The following DCBLD2 variants were observed in gnomAD, a reference collection of about 807,000 sequenced individuals.
DCBLD2 encodes the protein discoidin, CUB and LCCL domain-containing protein 2.
In DCBLD2, 54 loss-of-function variants were observed where a neutral mutation model predicts 86.8. The ratio of observed to expected loss-of-function variants is 0.62; its 90% confidence interval spans 0.50 to 0.78. The LOEUF is 0.78. Ranked by LOEUF, DCBLD2 falls within the 30% of genes least tolerant of loss-of-function variation. The pLI, the probability that DCBLD2 is intolerant of heterozygous loss-of-function variation, is 0.00. For missense variants in DCBLD2, 908 were observed against 954.2 expected, an observed-to-expected ratio of 0.95 and a Z score of 0.64; for synonymous variants, 354 against 341.3, an observed-to-expected ratio of 1.04 and a Z score of -0.41.
At chr3:98,865,308 A>G (rs1943123113) in intron 2 of DCBLD2, among the ~76,000 whole-genome samples, 1 of 152,292 alleles carries the variant, frequency 6.6e-6, no homozygotes, top group South Asian at 2.1e-4. Flanking sequence ...AAACCCTGAC[A>G]TTTCTAACAA....
chr3:98,817,166 C>G (rs573013947), intron 9 of DCBLD2, among the ~76,000 whole-genome samples: 9 of 152,318 alleles, frequency 5.9e-5, no homozygotes, highest in African/African-American at 2.2e-4. Context: ...AGACCCATCT[C>G]TGCCTGCTCC....
chr3:98,878,387 A>G (rs1943406754), intron 2 of DCBLD2, among the ~76,000 whole-genome samples: 1 of 152,192 alleles, frequency 6.6e-6, no homozygotes, highest in South Asian at 2.1e-4. Context: ...CCACGAAATC[A>G]TTAGCCCATA....
At chr3:98,853,776 T>C (rs2107489183) in intron 2 of DCBLD2, among the ~76,000 whole-genome samples, 1 of 152,366 alleles carries the variant, frequency 6.6e-6, no homozygotes, top group South Asian at 2.1e-4. Context: ...TTATTTATGT[T>C]CTCAATTAAA....
intron 8 of DCBLD2, 144 bp downstream of exon 8, chr3:98,819,058 G>A: frequency 1.2e-6 from 1 of 834,878 alleles, no homozygotes; most frequent in Non-Finnish European, 1.8e-6. Context: ...TGTGTCTCTA[G>A]TAATATTAAC....
chr3:98,880,421 A>G (rs1943445210), intron 2 of DCBLD2, among the ~76,000 whole-genome samples: 1 of 152,226 alleles, frequency 6.6e-6, no homozygotes, highest in Admixed American at 6.5e-5. Context: ...AAGCCTTACA[A>G]ATTTTTCCAC....
At chr3:98,820,702 A>C (rs892108012) in intron 6 of DCBLD2, 4 of 152,576 alleles carry the variant, frequency 2.6e-5, no homozygotes, top group African/African-American at 9.7e-5. Context: ...TCTAATTCTC[A>C]GAGAATGAGG....
intron 2 of DCBLD2, among the ~76,000 whole-genome samples, chr3:98,858,508 C>T (rs1942979365): frequency 6.6e-6 from 1 of 152,236 alleles, no homozygotes; most frequent in Non-Finnish European, 1.5e-5. Context: ...AAAATAAATA[C>T]ACAAAGCAAT....
chr3:98,825,643 T>TATATATA (rs1942202476), intron 3 of DCBLD2, among the ~76,000 whole-genome samples: 71 of 115,082 alleles, frequency 6.2e-4, no homozygotes, highest in Admixed American at 9.6e-4. Flanking sequence ...ATATGTGTAT[T>TATATATA]TATATATATA....
intron 1 of DCBLD2, among the ~76,000 whole-genome samples, chr3:98,897,649 C>G (rs1230798769): frequency 6.6e-6 from 1 of 152,034 alleles, no homozygotes; most frequent in East Asian, 1.9e-4. Context: ...CAAATATGTT[C>G]AAATAACTGA....
At chr3:98,811,406 T>G in intron 11 of DCBLD2, 62 bp downstream of exon 11, 1 of 1,612,314 alleles carries the variant, frequency 6.2e-7, no homozygotes, top group South Asian at 1.1e-5. Context: ...TTTAATATAT[T>G]TTTGGAAAGT....
At position 98,901,431 on chromosome 3, in the gene DCBLD2, A is replaced by G; in HGVS notation, c.-105T>C. The stretch of plus-strand genomic sequence containing the variant: ...AGACGGCGGCAGCGGCGGGAGAACA[A>G]GAGGCAGCCCTCGCCTCACCCCGCG... On this transcript the variant is annotated 5_prime_UTR_variant, in exon 1 of 16. Coordinates refer to ENST00000326840, the MANE Select transcript of DCBLD2 (RefSeq NM_080927.4). The G allele has an allele frequency of 1.7e-6, 2 of 1,167,112 alleles. No individual in the cohort carries two copies. The highest frequency in any genetic ancestry group is 3.5e-5 in the South Asian group (1 of 28,184). The allele number at this position is 1,167,112 out of a possible 1,614,324, so 72.3% of individuals were successfully genotyped here. A position where few individuals can be genotyped will look rare whatever the true frequency, so the allele number is the denominator to read the frequency against.
intron 3 of DCBLD2, among the ~76,000 whole-genome samples, chr3:98,840,274 AT>A: frequency 6.6e-6 from 1 of 152,352 alleles, no homozygotes; most frequent in South Asian, 2.1e-4. Context: ...ATTCTGGTAC[AT>A]GTACATATAT....
chr3:98,819,188 T>G lies in DCBLD2; in HGVS notation c.1087+14A>C, dbSNP rs1191082833. 1.3e-6 allele frequency: 2 copies of G among 1,533,872 alleles called. No individual in the cohort carries two copies. The highest frequency in any genetic ancestry group is 1.8e-6 in the Non-Finnish European group (2 of 1,136,168). ...AGTGTTACAAATTGCTTTAGAAAAT[T>G]TTTGTCTCTTAACCTGTTATTTTCT... On this transcript the variant is annotated intron_variant, in intron 8 of 15. Coordinates refer to ENST00000326840, the MANE Select transcript of DCBLD2 (RefSeq NM_080927.4).
At chr3:98,855,397 A>G (rs761389532) in intron 2 of DCBLD2, among the ~76,000 whole-genome samples, 11 of 152,198 alleles carry the variant, frequency 7.2e-5, no homozygotes, top group Non-Finnish European at 1.6e-4. Flanking sequence ...CCACAAAAAC[A>G]TTTGGCAATA....
chr3:98,799,481 G>T lies in DCBLD2; in HGVS notation c.2219C>A (p.Pro740Gln). Reference sequence around the variant, plus strand: ...CAATTCGTCTGGGGCAGGTAGACCTGGCTTCCCAGCTTTCGGGGTATCATA... The same window carrying T: ...CAATTCGTCTGGGGCAGGTAGACCTTGCTTCCCAGCTTTCGGGGTATCATA... ...AQYDTPKAGK[P>Q]GLPAPDELVY... Residue 740 changes from proline (P) to glutamine (Q), a missense_variant, in exon 16 of 16, where the codon CCA (proline) becomes CAA (glutamine). This residue lies in a region of DCBLD2 where 606 missense variants were observed against 678.5 expected (regional missense o/e 0.89). Transcript: ENST00000326840. 1 of 1,613,992 alleles carries T rather than the reference G, an allele frequency of 6.2e-7. No individual in the cohort carries two copies. The highest frequency in any genetic ancestry group is 8.5e-7 in the Non-Finnish European group (1 of 1,179,894).
chr3:98,889,946 A>G (rs1474518735), intron 1 of DCBLD2, among the ~76,000 whole-genome samples: 1 of 151,962 alleles, frequency 6.6e-6, no homozygotes, highest in African/African-American at 2.4e-5. Context: ...CTCCTTCTAC[A>G]TGGTGTCCCC....
chr3:98,838,106 A>C (rs1230561598), intron 3 of DCBLD2, among the ~76,000 whole-genome samples: 14 of 109,606 alleles, frequency 1.3e-4, no homozygotes, highest in Admixed American at 1.8e-4. Flanking sequence ...TGAACCCCCC[A>C]CCTCCCTCCC....
chr3:98,869,930 T>C (rs1265821572), intron 2 of DCBLD2, among the ~76,000 whole-genome samples: 1 of 152,230 alleles, frequency 6.6e-6, no homozygotes, highest in East Asian at 1.9e-4. Flanking sequence ...GTGCTATAAA[T>C]AGGATAATGT....
chr3:98,898,737 G>GA (rs571608652), intron 1 of DCBLD2, among the ~76,000 whole-genome samples: 31 of 152,274 alleles, frequency 2.0e-4, no homozygotes, highest in African/African-American at 6.7e-4. Context: ...AGACTGGGAA[G>GA]ACTGGCTTAA....
Sources: allele counts gnomAD v4.1 joint callset (sites outside exome capture counted in the v4.1 genomes callset), GRCh38; gene constraint gnomAD v4.1.1; regional missense constraint gnomAD v4.1.1; transcripts MANE v1.5; gene names NCBI Gene and HGNC (gene_info 2026-07-23, HGNC 2026-07-21).